CCSER1: variants seen among roughly 807,000 people sequenced by gnomAD.
CCSER1 encodes the protein serine-rich coiled-coil domain-containing protein 1.
A neutral mutation model predicts 82.0 loss-of-function variants in CCSER1; 41 were observed. That is an observed-to-expected ratio of 0.50 (90% CI 0.39 to 0.65). The LOEUF (loss-of-function observed/expected upper bound fraction) is 0.65, where lower values mean the gene tolerates loss of function less well. Ranked by LOEUF, CCSER1 falls within the 30% of genes least tolerant of loss-of-function variation. The pLI, the probability that CCSER1 is intolerant of heterozygous loss-of-function variation, is 0.00. For missense variants in CCSER1, 1,119 were observed against 1,064.2 expected, an observed-to-expected ratio of 1.05 and a Z score of -0.72; for synonymous variants, 414 against 383.9, an observed-to-expected ratio of 1.08 and a Z score of -0.92.
At chr4:90,572,824 A>G (rs1401002247) in intron 5 of CCSER1, among the ~76,000 whole-genome samples, 2 of 152,032 alleles carry the variant, frequency 1.3e-5, no homozygotes, top group Middle Eastern at 3.2e-3. Context: ...ATACATCCTC[A>G]TTTATTTAGG....
chr4:90,672,103 A>T (rs973402959), intron 6 of CCSER1, among the ~76,000 whole-genome samples: 4 of 151,970 alleles, frequency 2.6e-5, no homozygotes, highest in Non-Finnish European at 4.4e-5. Context: ...GATTTAGCAT[A>T]ATTCTTAAGG....
At chr4:90,522,481 A>C (rs556135594) in intron 5 of CCSER1, among the ~76,000 whole-genome samples, 1 of 152,230 alleles carries the variant, frequency 6.6e-6, no homozygotes, top group East Asian at 1.9e-4. Flanking sequence ...TATCTACTGA[A>C]ATCTGGTTTG....
At chr4:90,768,176 G>T (rs1232433775) in intron 7 of CCSER1, among the ~76,000 whole-genome samples, 2 of 152,184 alleles carry the variant, frequency 1.3e-5, no homozygotes, top group Non-Finnish European at 2.9e-5. Flanking sequence ...CTCACTTTGG[G>T]AGAAGCCAGT....
chr4:91,077,799 C>G (rs150512818), intron 9 of CCSER1, among the ~76,000 whole-genome samples: 1 of 152,222 alleles, frequency 6.6e-6, no homozygotes, highest in African/African-American at 2.4e-5. Context: ...GAGATTATAT[C>G]CCACACCTGG....
At chr4:91,301,818 G>A (rs1446621459) in intron 10 of CCSER1, among the ~76,000 whole-genome samples, 1 of 151,876 alleles carries the variant, frequency 6.6e-6, no homozygotes, top group Non-Finnish European at 1.5e-5. Context: ...CAACAATGAT[G>A]AGGCAAACAG....
intron 9 of CCSER1, among the ~76,000 whole-genome samples, chr4:90,980,074 G>A (rs1735971906): frequency 6.6e-6 from 1 of 151,802 alleles, no homozygotes; most frequent in Admixed American, 6.6e-5. Context: ...TAATCAGGGT[G>A]GATGCTATTT....
rs70963096 is a variant in CCSER1, at chr4:90,900,094, G to GTTTTTTTT, written c.2095-23266_2095-23259dup. 2.1e-3 allele frequency among the ~76,000 whole-genome samples: 215 copies of GTTTTTTTT among 102,118 alleles called. 7 individuals are homozygous for GTTTTTTTT. The highest frequency in any genetic ancestry group is 2.7e-3 in the Non-Finnish European group (128 of 46,928). The allele number at this position is 102,118 out of a possible 152,430, so 67.0% of individuals were successfully genotyped here. A position where few individuals can be genotyped will look rare whatever the true frequency, so the allele number is the denominator to read the frequency against. On this transcript the variant is annotated intron_variant, in intron 8 of 10. Coordinates refer to ENST00000509176, the MANE Select transcript of CCSER1 (RefSeq NM_001145065.2). The stretch of plus-strand genomic sequence containing the variant: ...TGCTGTGAAACCCTCTGGTCCCAGA[G>GTTTTTTTT]TTTTTTTTTTTTTTTTTGTAGATAT...
chr4:91,445,545 A>G (rs1755503538), intron 10 of CCSER1, among the ~76,000 whole-genome samples: 1 of 152,096 alleles, frequency 6.6e-6, no homozygotes, highest in African/African-American at 2.4e-5. Context: ...TTTTGATTTT[A>G]TGAAAATGTA....
chr4:90,391,845 A>C (rs978849051), intron 3 of CCSER1, among the ~76,000 whole-genome samples: 1 of 151,994 alleles, frequency 6.6e-6, no homozygotes, highest in African/African-American at 2.4e-5. Flanking sequence ...AAAGTTTTAA[A>C]TATTTTAACT....
rs1560716414 is a variant in CCSER1, at chr4:91,496,627, T to TTTGAATATATATATATTCAATATATA, written c.2218-101919_2218-101894dup. Among the ~76,000 whole-genome samples, 16 of 35,706 alleles carry TTTGAATATATATATATTCAATATATA rather than the reference T, an allele frequency of 4.5e-4. 3 individuals carry two copies. The highest frequency in any genetic ancestry group is 8.8e-4 in the Non-Finnish European group (14 of 16,000). 23.4% of individuals were successfully genotyped at this position (35,706 alleles called of 152,430 possible). On this transcript the variant is annotated intron_variant, in intron 10 of 10. Coordinates refer to ENST00000509176, the MANE Select transcript of CCSER1 (RefSeq NM_001145065.2). ...GAATATATATATACACGAATATATA[T>TTTGAATATATATATATTCAATATATA]TTGAATATATATATATTCAATATAT...
intron 5 of CCSER1, among the ~76,000 whole-genome samples, chr4:90,586,347 A>G (rs1356389522): frequency 1.3e-5 from 2 of 152,200 alleles, no homozygotes; most frequent in Non-Finnish European, 2.9e-5. Flanking sequence ...GATTTAGAAG[A>G]TAAGTGTTGC....
At chr4:90,905,211 C>G (rs897717344) in intron 8 of CCSER1, among the ~76,000 whole-genome samples, 5 of 152,048 alleles carry the variant, frequency 3.3e-5, no homozygotes, top group Admixed American at 3.3e-4. Context: ...CTTCTGCATA[C>G]AACAGACAGA....
chr4:91,117,967 A>G (rs542625364), intron 10 of CCSER1, among the ~76,000 whole-genome samples: 2 of 152,272 alleles, frequency 1.3e-5, no homozygotes, highest in African/African-American at 4.8e-5. Flanking sequence ...TTGATATTTT[A>G]AAATATAGGC....
intron 10 of CCSER1, among the ~76,000 whole-genome samples, chr4:91,361,991 T>A (rs1038375376): frequency 6.6e-6 from 1 of 151,756 alleles, no homozygotes; most frequent in Admixed American, 6.6e-5. Flanking sequence ...TGAGCAGATA[T>A]CTGAAGAAAC....
intron 8 of CCSER1, among the ~76,000 whole-genome samples, chr4:90,912,109 T>A (rs1726485002): frequency 6.6e-6 from 1 of 152,224 alleles, no homozygotes; most frequent in African/African-American, 2.4e-5. Flanking sequence ...AATGTCCCTG[T>A]CTGACAGCTT....
chr4:91,549,123 C>A (rs1156685994), intron 10 of CCSER1, among the ~76,000 whole-genome samples: 2 of 151,950 alleles, frequency 1.3e-5, no homozygotes, highest in African/African-American at 4.8e-5. Context: ...CTCAGAGATT[C>A]TTTTCTTAGC....
Position 90,943,576 on chromosome 4 carries a change from A to T in CCSER1, c.2172+20129A>T, listed in dbSNP as rs574505498. Among the ~76,000 whole-genome samples the T allele has an allele frequency of 2.0e-5, 3 of 151,912 alleles. No individual in the cohort carries two copies. The East Asian group carries it at 5.9e-4, about 30-fold the overall frequency. On this transcript the variant is annotated intron_variant, in intron 9 of 10. Coordinates refer to ENST00000509176, the MANE Select transcript of CCSER1 (RefSeq NM_001145065.2). ...ACAGGAGGCGGAGACAGAAAGAGAG[A>T]GAGAGAAAGAGGTTCTTGTTCTATC...
At chr4:90,517,007 T>G (rs1014822602) in intron 5 of CCSER1, among the ~76,000 whole-genome samples, 2 of 152,090 alleles carry the variant, frequency 1.3e-5, no homozygotes, top group Non-Finnish European at 2.9e-5. Flanking sequence ...TGGGGTTACA[T>G]CCCATAAAGC....
At chr4:90,603,418 G>T (rs558079233) in intron 5 of CCSER1, among the ~76,000 whole-genome samples, 81 of 152,102 alleles carry the variant, frequency 5.3e-4, no homozygotes, top group Non-Finnish European at 1.0e-3. Flanking sequence ...AGAGAATAAT[G>T]GCTTTTCTTA....
Sources: gnomAD v4.1 joint callset for allele counts (sites outside exome capture counted in the v4.1 genomes callset) on GRCh38, gnomAD v4.1.1 for gene constraint, MANE v1.5 for transcripts, NCBI Gene and HGNC (gene_info 2026-07-23, HGNC 2026-07-21) for gene names.